FGF2: variants seen among roughly 807,000 people sequenced by gnomAD.
The protein encoded by FGF2 is fibroblast growth factor 2.
In FGF2, 13 loss-of-function variants were observed where a neutral mutation model predicts 15.9. The ratio of observed to expected loss-of-function variants is 0.82; its 90% confidence interval spans 0.53 to 1.30. The LOEUF (loss-of-function observed/expected upper bound fraction) is 1.30, where lower values mean the gene tolerates loss of function less well. FGF2 is among the 50% of genes most tolerant of loss of function. FGF2 has a pLI of 0.00. For synonymous variants in FGF2, 90 were observed against 78.4 expected, an observed-to-expected ratio of 1.15 and a Z score of -0.78; for missense variants, 163 against 196.9, an observed-to-expected ratio of 0.83 and a Z score of 1.03.
chr4:122,873,660 A>T (rs893259010), intron 1 of FGF2, among the ~76,000 whole-genome samples: 2 of 152,218 alleles, frequency 1.3e-5, no homozygotes, highest in African/African-American at 4.8e-5. Flanking sequence ...GCAGCTATGC[A>T]TCTCTATTTT....
At chr4:122,887,461 A>G (rs926110919) in intron 2 of FGF2, among the ~76,000 whole-genome samples, 4 of 152,226 alleles carry the variant, frequency 2.6e-5, no homozygotes, top group African/African-American at 9.6e-5. Context: ...AGTGAGAAAC[A>G]TGGCTCCCGC....
At chr4:122,861,674 A>T (rs1213535409) in intron 1 of FGF2, among the ~76,000 whole-genome samples, 3 of 152,030 alleles carry the variant, frequency 2.0e-5, no homozygotes, top group Non-Finnish European at 2.9e-5. Flanking sequence ...TCATGCTATT[A>T]CACACTACCA....
rs1403264160 is a variant in FGF2, at chr4:122,895,995, G to C, written c.*3599G>C. ...GCCTTCATATAGACATAGTCTTTCAGACCTCTACTGTCAGTTTTCATTTCT... is the reference window on the plus strand; with the variant it reads ...GCCTTCATATAGACATAGTCTTTCACACCTCTACTGTCAGTTTTCATTTCT... On this transcript the variant is annotated 3_prime_UTR_variant, in exon 3 of 3. Transcript: ENST00000644866. 6.6e-6 allele frequency: 1 copy of C among 152,556 alleles called. No individual in the cohort carries two copies. The highest frequency in any genetic ancestry group is 6.5e-5 in the Admixed American group (1 of 15,280). The allele number at this position is 152,556 out of a possible 1,614,324, so 9.5% of individuals were successfully genotyped here. A position where few individuals can be genotyped will look rare whatever the true frequency, so the allele number is the denominator to read the frequency against.
At chr4:122,838,886 A>G (rs1035304965) in intron 1 of FGF2, among the ~76,000 whole-genome samples, 5 of 152,210 alleles carry the variant, frequency 3.3e-5, no homozygotes, top group African/African-American at 1.2e-4. Flanking sequence ...CTGCATCATG[A>G]TGTTTCGGTT....
chr4:122,851,331 AT>A (rs1373381043), intron 1 of FGF2, among the ~76,000 whole-genome samples: 1 of 152,148 alleles, frequency 6.6e-6, no homozygotes. Context: ...TCAGGGCCAA[AT>A]TTTAAGGATT....
intron 1 of FGF2, among the ~76,000 whole-genome samples, chr4:122,831,340 T>A (rs1186297436): frequency 6.6e-6 from 1 of 152,160 alleles, no homozygotes; most frequent in Non-Finnish European, 1.5e-5. Context: ...CTAGCCCCTT[T>A]GAAGAGTTCT....
At chr4:122,862,657 T>C (rs1428638922) in intron 1 of FGF2, among the ~76,000 whole-genome samples, 1 of 152,228 alleles carries the variant, frequency 6.6e-6, no homozygotes. Flanking sequence ...TTGTTTGTCA[T>C]GGATATTGTA....
chr4:122,861,950 G>A (rs308381), intron 1 of FGF2, among the ~76,000 whole-genome samples: 140,800 of 152,228 alleles, frequency 0.92, 65,253 homozygotes, highest in East Asian at 0.96. Context: ...AAACCTCTCT[G>A]TTCAGGCTGG....
chr4:122,854,989 C>T (rs532791947), intron 1 of FGF2, among the ~76,000 whole-genome samples: 5 of 152,250 alleles, frequency 3.3e-5, no homozygotes, highest in Admixed American at 2.6e-4. Context: ...CCTCCTCCTC[C>T]GGGCACACAC....
chr4:122,888,224 G>A lies in FGF2; in HGVS notation c.283-3987G>A, dbSNP rs180870600. On this transcript the variant is annotated intron_variant, in intron 2 of 2. Coordinates refer to ENST00000644866, the MANE Select transcript of FGF2 (RefSeq NM_001361665.2). ...CTCATACCATGCAACCAATCCATCA[G>A]GAAACCCTATTAAGTCTACCTTCAA... Among the ~76,000 whole-genome samples the A allele has an allele frequency of 1.2e-3, 185 of 152,220 alleles. 1 individual carries two copies. The highest frequency in any genetic ancestry group is 2.1e-3 in the Non-Finnish European group (146 of 68,008).
At position 122,894,593 on chromosome 4, in the gene FGF2, A is replaced by C. The variant is rs1316666022; in HGVS notation, c.*2197A>C. On this transcript the variant is annotated 3_prime_UTR_variant, in exon 3 of 3. Transcript: ENST00000644866. ...CAGAGTGAGACTTTGTCTCAAAAAA[A>C]GAGAAATTTTCCTTAATAAGAAAAG... 1 of 152,104 alleles carries C rather than the reference A, an allele frequency of 6.6e-6. No homozygotes were observed. Among genetic ancestry groups the C allele is most frequent in the African/African-American group, 2.4e-5 (1 of 41,374 alleles). The allele number at this position is 152,104 out of a possible 1,614,324, so 9.4% of individuals were successfully genotyped here.
At chr4:122,829,436 C>T (rs1725714008) in intron 1 of FGF2, among the ~76,000 whole-genome samples, 1 of 152,108 alleles carries the variant, frequency 6.6e-6, no homozygotes, top group Non-Finnish European at 1.5e-5. Flanking sequence ...TTTTTGACCC[C>T]AAATGTCACT....
intron 1 of FGF2, among the ~76,000 whole-genome samples, chr4:122,828,333 C>A (rs1471441472): frequency 6.6e-6 from 1 of 152,134 alleles, no homozygotes; most frequent in Non-Finnish European, 1.5e-5. Context: ...TAAGATGAGC[C>A]GATTTACAAC....
intron 1 of FGF2, among the ~76,000 whole-genome samples, chr4:122,828,934 T>G (rs1240367743): frequency 6.6e-6 from 1 of 152,248 alleles, no homozygotes; most frequent in African/African-American, 2.4e-5. Context: ...GTGTCCCAAT[T>G]GGTTTTGTTC....
intron 1 of FGF2, among the ~76,000 whole-genome samples, chr4:122,852,565 A>G (rs529459210): frequency 6.6e-6 from 1 of 152,254 alleles, no homozygotes; most frequent in South Asian, 2.1e-4. Flanking sequence ...TAAGTCTGCC[A>G]TCAGATAAAC....
chr4:122,838,174 T>G (rs1725904308), intron 1 of FGF2, among the ~76,000 whole-genome samples: 2 of 152,102 alleles, frequency 1.3e-5, no homozygotes. Context: ...ATAGATTATT[T>G]TTTGGAGGGT....
intron 1 of FGF2, among the ~76,000 whole-genome samples, chr4:122,832,609 T>C (rs78157737): frequency 0.036 from 5,414 of 152,318 alleles, 186 homozygotes; most frequent in African/African-American, 0.088. Flanking sequence ...TGTTCTGTTT[T>C]ATTTTTGAGT....
At position 122,826,970 on chromosome 4, in the gene FGF2, C is replaced by G. The variant is rs1725646984; in HGVS notation, c.-205C>G. The G allele has an allele frequency of 7.6e-7, 1 of 1,321,760 alleles. No homozygotes were observed. Among genetic ancestry groups the G allele is most frequent in the Admixed American group, 3.3e-5 (1 of 30,238 alleles). 81.9% of individuals were successfully genotyped at this position (1,321,760 alleles called of 1,614,324 possible). A position where few individuals can be genotyped will look rare whatever the true frequency, so the allele number is the denominator to read the frequency against. On this transcript the variant is annotated 5_prime_UTR_variant, in exon 1 of 3. Transcript: ENST00000644866. ...CCCGGGCCGCCGGCTCGCCGCGCAC[C>G]AGGGGCCGGCGGACAGAAGAGCGGC... is the stretch of plus-strand genomic sequence containing the variant.
chr4:122,855,350 C>T (rs1386491652), intron 1 of FGF2, among the ~76,000 whole-genome samples: 1 of 152,204 alleles, frequency 6.6e-6, no homozygotes, highest in African/African-American at 2.4e-5. Flanking sequence ...TGTTTAATCT[C>T]TTTCTGAGCT....
Sources: allele counts gnomAD v4.1 joint callset (sites outside exome capture counted in the v4.1 genomes callset), GRCh38; gene constraint gnomAD v4.1.1; transcripts MANE v1.5; gene names NCBI Gene and HGNC (gene_info 2026-07-23, HGNC 2026-07-21).